Variants in COG7 observed in about 807,000 individuals in gnomAD.
COG7 encodes conserved oligomeric Golgi complex subunit 7.
A neutral mutation model predicts 91.5 loss-of-function variants in COG7; 49 were observed. The observed-to-expected ratio is 0.54, with a 90% CI of 0.43 to 0.68. The LOEUF is 0.68. Ranked by LOEUF, COG7 falls within the 30% of genes least tolerant of loss-of-function variation. The pLI, the probability that COG7 is intolerant of heterozygous loss-of-function variation, is 0.00. For missense variants in COG7, 895 were observed against 961.3 expected (o/e 0.93, Z 0.91); for synonymous variants, 365 against 388.7 (o/e 0.94, Z 0.72).
intron 4 of COG7, among the ~76,000 whole-genome samples, chr16:23,438,376 T>G (rs550764496): frequency 4.0e-5 from 6 of 151,898 alleles, no homozygotes; most frequent in Non-Finnish European, 7.4e-5. Context: ...CTGAGCAGCA[T>G]AGCAAGACCC....
chr16:23,392,828 G>A (rs1260918776), intron 15 of COG7, among the ~76,000 whole-genome samples: 1 of 152,184 alleles, frequency 6.6e-6, no homozygotes, highest in Non-Finnish European at 1.5e-5. Flanking sequence ...CTACTCAGGA[G>A]GCTGAGGCAG....
At chr16:23,429,579 C>A (rs1963902044) in intron 6 of COG7, among the ~76,000 whole-genome samples, 1 of 152,022 alleles carries the variant, frequency 6.6e-6, no homozygotes, top group East Asian at 1.9e-4. Context: ...GCCTGGCCAG[C>A]ATGAAGAAAC....
chr16:23,404,823 G>A (rs1056366745), intron 12 of COG7, among the ~76,000 whole-genome samples: 7 of 152,232 alleles, frequency 4.6e-5, no homozygotes, highest in Admixed American at 4.6e-4. Context: ...AGGAGGCTGA[G>A]GCAGAAGAAA....
chr16:23,402,296 G>T (rs1963390854), intron 13 of COG7, among the ~76,000 whole-genome samples: 1 of 151,800 alleles, frequency 6.6e-6, no homozygotes, highest in South Asian at 2.1e-4. Context: ...ACATCAAACT[G>T]CTGACGCTGA....
At chr16:23,437,030 TGGG>T (rs932736987) in intron 4 of COG7, among the ~76,000 whole-genome samples, 8 of 152,060 alleles carry the variant, frequency 5.3e-5, no homozygotes, top group Non-Finnish European at 1.0e-4. Flanking sequence ...GGCCAAAGAC[TGGG>T]GGCCAAGGGG....
chr16:23,430,318 C>A (rs1312109063), intron 6 of COG7, among the ~76,000 whole-genome samples: 3 of 151,726 alleles, frequency 2.0e-5, no homozygotes, highest in Non-Finnish European at 4.4e-5. Flanking sequence ...AGTCCCAGTA[C>A]TCAGGAGGCT....
chr16:23,416,638 T>A (rs1038887872), intron 9 of COG7: 37 of 360,938 alleles, frequency 1.0e-4, no homozygotes, highest in Non-Finnish European at 1.8e-4. Context: ...AGGCCAAAGG[T>A]CCTTTTTCTT....
chr16:23,426,086 C>A (rs1963841677), intron 6 of COG7, among the ~76,000 whole-genome samples: 1 of 152,086 alleles, frequency 6.6e-6, no homozygotes, highest in South Asian at 2.1e-4. Flanking sequence ...CATGGTGGTG[C>A]ACGACTGTAA....
In COG7 at chr16:23,406,245, C is replaced by T; in HGVS notation, c.1493G>A (p.Gly498Glu). 6.2e-7 allele frequency: 1 copy of T among 1,614,044 alleles called. No individual in the cohort carries two copies. Among genetic ancestry groups the T allele is most frequent in the South Asian group, 1.1e-5 (1 of 91,078 alleles). Residue 498 changes from glycine (G) to glutamate (E), a missense_variant, in exon 12 of 17, where the codon GGG becomes GAG. By Grantham distance (98) the Gly-to-Glu change is moderately conservative. Transcript: ENST00000307149. ...GCTGCAGGAATCAGATAGATACTTC[C>T]CAGCTGTGGACAAAATCCTGTAATG... ...QLANRILSTA[G>E]KYLSDSCSPR...
intron 11 of COG7, among the ~76,000 whole-genome samples, chr16:23,407,248 A>C (rs1015972114): frequency 6.6e-6 from 1 of 152,200 alleles, no homozygotes; most frequent in African/African-American, 2.4e-5. Flanking sequence ...ATTAAGTTCA[A>C]GTTCGTTCTT....
intron 12 of COG7, among the ~76,000 whole-genome samples, chr16:23,404,788 C>T (rs1435725329): frequency 5.9e-5 from 9 of 152,134 alleles, no homozygotes; most frequent in South Asian, 2.1e-4. Flanking sequence ...GGTGTGGTGG[C>T]GCATGCCTAT....
In COG7 at chr16:23,453,080, G is replaced by A; in HGVS notation, c.-86C>T. The A allele has an allele frequency of 6.3e-7, 1 of 1,590,318 alleles. No homozygotes were observed. Among genetic ancestry groups the A allele is most frequent in the Non-Finnish European group, 8.6e-7 (1 of 1,167,278 alleles). On this transcript the variant is annotated 5_prime_UTR_variant, in exon 1 of 17. Coordinates refer to ENST00000307149, the MANE Select transcript of COG7 (RefSeq NM_153603.4). ...GATGCAGAAGCGAGCGAGCCTGCGA[G>A]AGCACCGAGGCTAGCCTCCGAGGCG...
At chr16:23,409,092 T>C (rs867320944) in intron 11 of COG7, among the ~76,000 whole-genome samples, 7 of 116,420 alleles carry the variant, frequency 6.0e-5, no homozygotes, top group East Asian at 2.9e-4. Context: ...TGTGTGTGCG[T>C]GCATGTGTGT....
At chr16:23,437,444 A>G (rs560315605) in intron 4 of COG7, among the ~76,000 whole-genome samples, 1 of 152,284 alleles carries the variant, frequency 6.6e-6, no homozygotes, top group East Asian at 1.9e-4. Context: ...AAGCTCCTAG[A>G]TGGTAACTTT....
At chr16:23,413,403 G>T (rs369763556) in intron 10 of COG7, 45 bp downstream of exon 10, 2 of 997,452 alleles carry the variant, frequency 2.0e-6, no homozygotes, top group Non-Finnish European at 3.2e-6. Context: ...GCATGTTTAT[G>T]CTGGCTACAT....
intron 9 of COG7, chr16:23,414,150 A>G (rs866326505): frequency 2.5e-5 from 4 of 160,614 alleles, no homozygotes; most frequent in South Asian, 1.8e-4. Flanking sequence ...GTTTGCTCTC[A>G]CTGTACACAC....
In COG7 at chr16:23,453,141, T is replaced by A; in HGVS notation, c.-147A>T. ...ACGCCAGGACGGGTAACTTGCCCCT[T>A]TGCGCTTCCCCGCTCAGCGCACTCA... On this transcript the variant is annotated 5_prime_UTR_variant, in exon 1 of 17. Transcript: ENST00000307149. The A allele has an allele frequency of 6.9e-7, 1 of 1,455,412 alleles. No individual in the cohort carries two copies. Among genetic ancestry groups the A allele is most frequent in the South Asian group, 1.4e-5 (1 of 71,962 alleles). The allele number at this position is 1,455,412 out of a possible 1,614,324, so 90.2% of individuals were successfully genotyped here.
In COG7 at chr16:23,433,651, G is replaced by C. The variant is rs1470053385; in HGVS notation, c.704C>G (p.Ala235Gly). 2 of 1,613,988 alleles carry C rather than the reference G, an allele frequency of 1.2e-6. No homozygotes were observed. The highest frequency in any genetic ancestry group is 1.7e-6 in the Non-Finnish European group (2 of 1,179,988). The change falls in exon 6 of 17, where the codon GCC becomes GGC. Residue 235 changes from alanine to glycine, a missense_variant. Physicochemically the swap from Ala to Gly is moderately conservative, Grantham distance 60. Transcript: ENST00000307149. ...YKCHKVQLLA[A>G]WQELCQSDLS... ...GTCACTTTGACACAGCTCTTGCCAG[G>C]CTGCTAAAAGCTGCACCTGCAGAGA... is the stretch of plus-strand genomic sequence containing the variant.
intron 9 of COG7, 186 bp from the exon 10 acceptor site, chr16:23,413,750 CTG>C (rs1354996204): frequency 5.4e-6 from 3 of 552,322 alleles, no homozygotes; most frequent in Non-Finnish European, 9.8e-6. Context: ...TGTGGCAAGA[CTG>C]TCTTCACCAC....
Sources: allele counts gnomAD v4.1 joint callset (sites outside exome capture counted in the v4.1 genomes callset), GRCh38; gene constraint gnomAD v4.1.1; transcripts MANE v1.5; gene names NCBI Gene and HGNC (gene_info 2026-07-23, HGNC 2026-07-21).